Variants in ADAMTSL1 observed in about 807,000 individuals in gnomAD.
ADAMTSL1 encodes ADAMTS like 1, also known as ADAMTS-like protein 1.
In ADAMTSL1, 126 loss-of-function variants were observed where a neutral mutation model predicts 201.8. The observed-to-expected ratio is 0.62, with a 90% CI of 0.54 to 0.72. The LOEUF (loss-of-function observed/expected upper bound fraction) is 0.72. Ranked by LOEUF, ADAMTSL1 falls within the 30% of genes least tolerant of loss-of-function variation. ADAMTSL1 has a pLI of 0.00. For synonymous variants in ADAMTSL1, 1,121 were observed against 903.4 expected, an observed-to-expected ratio of 1.24 and a Z score of -4.32; for missense variants, 2,679 against 2,277.8, an observed-to-expected ratio of 1.18 and a Z score of -3.59.
intron 6 of ADAMTSL1, 122 bp downstream of exon 6, chr9:18,636,139 ATTTT>A: frequency 6.2e-6 from 5 of 810,232 alleles, no homozygotes; most frequent in Non-Finnish European, 9.2e-6. Context: ...ATAATATGAT[ATTTT>A]GAGTACCTCT....
At chr9:18,733,617 G>T (rs527946836) in intron 15 of ADAMTSL1, among the ~76,000 whole-genome samples, 1 of 142,412 alleles carries the variant, frequency 7.0e-6, no homozygotes, top group Non-Finnish European at 1.6e-5. Flanking sequence ...GTAAATTACC[G>T]ACACCACCAC....
At chr9:18,253,902 T>C (rs1831566717) in intron 2 of ADAMTSL1, among the ~76,000 whole-genome samples, 1 of 152,194 alleles carries the variant, frequency 6.6e-6, no homozygotes, top group African/African-American at 2.4e-5. Flanking sequence ...TGCTTTTTGA[T>C]GAGTCTTTGA....
In ADAMTSL1 at chr9:18,770,719, T is replaced by C. The variant is rs575933116; in HGVS notation, c.2335T>C (p.Cys779Arg). ...ETFCSASKPACQQACKKDDCP... is the reference protein window; with the variant it reads ...ETFCSASKPARQQACKKDDCP... ...CTTCTGTTCAGCTTCAAAACCTGCC[T>C]GCCAGCAAGCATGCAAGAAAGATGA... is the stretch of plus-strand genomic sequence containing the variant. Residue 779 changes from cysteine to arginine, a missense_variant, in exon 17 of 29, where the codon TGC becomes CGC. Physicochemically the swap from Cys to Arg is radical, Grantham distance 180 (BLOSUM62 -3). Transcript: ENST00000380548. 3.1e-6 allele frequency: 5 copies of C among 1,613,914 alleles called. 1 individual carries two copies. In the Admixed American group the frequency reaches 6.7e-5, roughly 22 times the overall value.
intron 1 of ADAMTSL1, among the ~76,000 whole-genome samples, chr9:18,039,083 C>G (rs2131628953): frequency 6.6e-6 from 1 of 152,158 alleles, no homozygotes; most frequent in South Asian, 2.1e-4. Flanking sequence ...ATAATAACAT[C>G]AAAGAAAAAC....
At chr9:18,163,070 T>C (rs1199454353) in intron 1 of ADAMTSL1, among the ~76,000 whole-genome samples, 1 of 151,998 alleles carries the variant, frequency 6.6e-6, no homozygotes, top group Non-Finnish European at 1.5e-5. Context: ...ACCTTGAATG[T>C]ATAGGAGTTA....
chr9:18,718,639 G>A (rs962847267), intron 14 of ADAMTSL1: 5 of 359,346 alleles, frequency 1.4e-5, no homozygotes, highest in East Asian at 1.4e-4. Flanking sequence ...TGCCGCTGCC[G>A]CCGCCGCTCC....
In ADAMTSL1 at chr9:18,367,679, T is replaced by C. The variant is rs553457094; in HGVS notation, c.208-137150T>C. 3.3e-5 allele frequency among the ~76,000 whole-genome samples: 5 copies of C among 152,224 alleles called. No homozygotes were observed. In the South Asian group the frequency reaches 1.0e-3, roughly 32 times the overall value. ...AAATAACTTTATGAGCTACATACTATTATTATCACCATTTTGAACAGTGGC... is the reference window on the plus strand; with the variant it reads ...AAATAACTTTATGAGCTACATACTACTATTATCACCATTTTGAACAGTGGC... On this transcript the variant is annotated intron_variant, in intron 2 of 29. Transcript: ENST00000680146.
In ADAMTSL1 at chr9:18,874,063, G is replaced by A. The variant is rs1588283645; in HGVS notation, c.4250-13768G>A. ...AATTTTTTTTGCAACTATTGTGAAA[G>A]GAGTTGAGTTCTTGATTTGATTCTC... On this transcript the variant is annotated intron_variant, in intron 23 of 28. Coordinates refer to ENST00000380548, the MANE Select transcript of ADAMTSL1 (RefSeq NM_001040272.6). 8.5e-5 allele frequency among the ~76,000 whole-genome samples: 13 copies of A among 152,192 alleles called. No individual in the cohort carries two copies. The South Asian group carries it at 2.7e-3, about 32-fold the overall frequency.
intron 4 of ADAMTSL1, among the ~76,000 whole-genome samples, chr9:18,594,498 T>G (rs912141367): frequency 5.9e-5 from 9 of 152,182 alleles, no homozygotes; most frequent in African/African-American, 1.9e-4. Context: ...CCCATAAACT[T>G]TGTTCATTCC....
chr9:18,609,907 A>G (rs1825271848), intron 4 of ADAMTSL1, among the ~76,000 whole-genome samples: 1 of 152,226 alleles, frequency 6.6e-6, no homozygotes. Context: ...AGGTTGGATT[A>G]TATAACTCAC....
chr9:18,711,338 G>C (rs1832577137), intron 14 of ADAMTSL1, among the ~76,000 whole-genome samples: 1 of 147,660 alleles, frequency 6.8e-6, no homozygotes, highest in Non-Finnish European at 1.5e-5. Flanking sequence ...GAGGTACTGG[G>C]TTCATCTCAC....
At chr9:18,566,316 G>A (rs1034361590) in intron 3 of ADAMTSL1, among the ~76,000 whole-genome samples, 16 of 152,122 alleles carry the variant, frequency 1.1e-4, no homozygotes, top group African/African-American at 3.6e-4. Context: ...CGAGTACCTG[G>A]TATGTAACAG....
At chr9:18,507,103 C>T (rs1022616710) in intron 2 of ADAMTSL1, among the ~76,000 whole-genome samples, 3 of 152,150 alleles carry the variant, frequency 2.0e-5, no homozygotes, top group South Asian at 4.2e-4. Flanking sequence ...TTTATATATG[C>T]CCTATCATAT....
intron 4 of ADAMTSL1, among the ~76,000 whole-genome samples, chr9:18,586,699 T>C (rs926878431): frequency 9.2e-5 from 14 of 151,980 alleles, no homozygotes; most frequent in African/African-American, 3.4e-4. Context: ...CAAACTATAG[T>C]ACAGGACTAC....
At chr9:18,565,987 T>C (rs1316085728) in intron 3 of ADAMTSL1, among the ~76,000 whole-genome samples, 3 of 152,182 alleles carry the variant, frequency 2.0e-5, no homozygotes, top group Non-Finnish European at 2.9e-5. Flanking sequence ...TAATAAAGGA[T>C]TTCAGCACAT....
At chr9:18,352,959 G>A (rs530058374) in intron 2 of ADAMTSL1, among the ~76,000 whole-genome samples, 1 of 152,310 alleles carries the variant, frequency 6.6e-6, no homozygotes, top group Non-Finnish European at 1.5e-5. Context: ...TTAATACAGT[G>A]AGAAACACAC....
rs151301406 is a variant in ADAMTSL1, at chr9:18,376,958, G to T, written c.208-127871G>T. Among the ~76,000 whole-genome samples, 899 of 152,168 alleles carry T rather than the reference G, an allele frequency of 5.9e-3. 11 individuals carry two copies. Among genetic ancestry groups the T allele is most frequent in the African/African-American group, 0.021 (865 of 41,504 alleles). On this transcript the variant is annotated intron_variant, in intron 2 of 29. Coordinates refer to the ADAMTSL1 transcript ENST00000680146. ...TATTTAAATCTTTATTTTTATACAT[G>T]TTGCTTATCAAACATTATCATAGAA...
intron 26 of ADAMTSL1, among the ~76,000 whole-genome samples, chr9:18,901,201 G>A (rs1829998273): frequency 6.6e-6 from 1 of 151,154 alleles, no homozygotes; most frequent in African/African-American, 2.4e-5. Flanking sequence ...TATTAACCAA[G>A]AATTATCTGG....
chr9:18,827,162 T>TC (rs1554643641), intron 22 of ADAMTSL1, among the ~76,000 whole-genome samples: 4 of 143,046 alleles, frequency 2.8e-5, no homozygotes, highest in African/African-American at 5.2e-5. Context: ...GAGATAAAGT[T>TC]AAAAAAAAAA....
Sources: allele counts gnomAD v4.1 joint callset (sites outside exome capture counted in the v4.1 genomes callset), GRCh38; gene constraint gnomAD v4.1.1; transcripts MANE v1.5; gene names NCBI Gene and HGNC (gene_info 2026-07-23, HGNC 2026-07-21).